FBXL17: variants seen among roughly 807,000 people sequenced by gnomAD.
FBXL17 encodes the protein F-box and leucine rich repeat protein 17.
Under a neutral mutation model 66.2 loss-of-function variants are expected in FBXL17, and 22 were observed. The ratio of observed to expected loss-of-function variants is 0.33; its 90% confidence interval spans 0.24 to 0.47. The LOEUF is 0.47. Ranked by LOEUF, FBXL17 falls within the 20% of genes least tolerant of loss-of-function variation. The probability of loss-of-function intolerance (pLI) is 1.00; values close to 1 mark genes in which losing one functional copy is unlikely to be tolerated. For synonymous variants in FBXL17, 474 were observed against 400.5 expected, an observed-to-expected ratio of 1.18 and a Z score of -2.19; for missense variants, 878 against 948.2, an observed-to-expected ratio of 0.93 and a Z score of 0.97.
chr5:108,276,736 G>A (rs1580731417), intron 4 of FBXL17, among the ~76,000 whole-genome samples: 1 of 152,110 alleles, frequency 6.6e-6, no homozygotes, highest in Non-Finnish European at 1.5e-5. Flanking sequence ...TCCTAAAGTA[G>A]TTAATGACTG....
rs560610314 is a variant in FBXL17, at chr5:108,160,397, A to G, written c.1745+25720T>C. On this transcript the variant is annotated intron_variant, in intron 6 of 8. Coordinates refer to ENST00000542267, the MANE Select transcript of FBXL17 (RefSeq NM_001163315.3). ...CAATGACTAGACTGACCTTTTCTCT[A>G]TAATTGTAACTACAGTATAGTAATT... 1.8e-4 allele frequency among the ~76,000 whole-genome samples: 27 copies of G among 152,326 alleles called. No individual in the cohort carries two copies. The South Asian group carries it at 5.4e-3, about 30-fold the overall frequency.
chr5:108,081,649 G>C (rs530946834), intron 6 of FBXL17, among the ~76,000 whole-genome samples: 1 of 152,250 alleles, frequency 6.6e-6, no homozygotes, highest in Non-Finnish European at 1.5e-5. Flanking sequence ...CGTGAACCCG[G>C]GAGGCGGAGC....
chr5:107,868,823 G>A (rs534918582), intron 8 of FBXL17, among the ~76,000 whole-genome samples: 2 of 152,322 alleles, frequency 1.3e-5, no homozygotes, highest in Non-Finnish European at 2.9e-5. Context: ...AGAGGTGTCA[G>A]CCTGTGTACC....
At chr5:108,148,794 T>G (rs1429098451) in intron 6 of FBXL17, among the ~76,000 whole-genome samples, 1 of 152,188 alleles carries the variant, frequency 6.6e-6, no homozygotes, top group Non-Finnish European at 1.5e-5. Flanking sequence ...TCCTCTACAG[T>G]AGCATATGTA....
chr5:108,080,113 G>A (rs1322830702), intron 6 of FBXL17, among the ~76,000 whole-genome samples: 1 of 152,148 alleles, frequency 6.6e-6, no homozygotes, highest in African/African-American at 2.4e-5. Context: ...CTGTGAATAT[G>A]GCTGATGGAA....
At chr5:107,867,175 C>T (rs1195099243) in intron 8 of FBXL17, among the ~76,000 whole-genome samples, 6 of 152,180 alleles carry the variant, frequency 3.9e-5, no homozygotes, top group Admixed American at 2.6e-4. Flanking sequence ...TCCTTTAATC[C>T]TCTGAAGTTC....
At chr5:108,328,266 CA>C (rs1375136128) in intron 4 of FBXL17, among the ~76,000 whole-genome samples, 1 of 151,856 alleles carries the variant, frequency 6.6e-6, no homozygotes, top group Non-Finnish European at 1.5e-5. Context: ...TCTCTGACTC[CA>C]GGTATTAAAC....
At chr5:108,144,872 A>C (rs1183210647) in intron 6 of FBXL17, among the ~76,000 whole-genome samples, 1 of 152,202 alleles carries the variant, frequency 6.6e-6, no homozygotes, top group African/African-American at 2.4e-5. Flanking sequence ...ATTGAAAATA[A>C]ACACGTTTAA....
chr5:108,350,554 C>A (rs944514717), intron 3 of FBXL17, among the ~76,000 whole-genome samples: 1 of 152,134 alleles, frequency 6.6e-6, no homozygotes, highest in Admixed American at 6.5e-5. Flanking sequence ...TGCAAATCAT[C>A]AAAAAGTTTC....
At chr5:108,288,524 G>A (rs370105240) in intron 4 of FBXL17, among the ~76,000 whole-genome samples, 4 of 119,080 alleles carry the variant, frequency 3.4e-5, no homozygotes, top group East Asian at 2.3e-4. Flanking sequence ...AGGGAAAACC[G>A]AACATAGTAC....
At chr5:107,967,181 A>G (rs538738621) in intron 7 of FBXL17, among the ~76,000 whole-genome samples, 1 of 151,842 alleles carries the variant, frequency 6.6e-6, no homozygotes, top group South Asian at 2.1e-4. Flanking sequence ...CTTTTTTTGT[A>G]CATCGTTTTA....
intron 6 of FBXL17, among the ~76,000 whole-genome samples, chr5:108,177,932 T>TATATACAC (rs1242739302): frequency 8.7e-5 from 11 of 126,714 alleles, no homozygotes; most frequent in East Asian, 4.8e-4. Context: ...TATATATATA[T>TATATACAC]ACACACACAC....
chr5:107,997,902 C>T (rs1286053835), intron 7 of FBXL17, among the ~76,000 whole-genome samples: 2 of 152,204 alleles, frequency 1.3e-5, no homozygotes, highest in African/African-American at 4.8e-5. Context: ...AAAGTCCACA[C>T]TGACAGCCAT....
At chr5:108,185,283 A>C (rs1416505583) in intron 6 of FBXL17, among the ~76,000 whole-genome samples, 1 of 152,140 alleles carries the variant, frequency 6.6e-6, no homozygotes, top group East Asian at 1.9e-4. Flanking sequence ...TGTTGGAGGA[A>C]GGGCCTGTTT....
chr5:108,229,668 A>C (rs1755243147), intron 4 of FBXL17, among the ~76,000 whole-genome samples: 1 of 152,214 alleles, frequency 6.6e-6, no homozygotes, highest in Non-Finnish European at 1.5e-5. Context: ...CAAAGACCTC[A>C]TGACCAAGAA....
intron 7 of FBXL17, among the ~76,000 whole-genome samples, chr5:107,951,053 C>G (rs1751483710): frequency 6.6e-6 from 1 of 152,176 alleles, no homozygotes; most frequent in Non-Finnish European, 1.5e-5. Flanking sequence ...ACTAGAAAGG[C>G]TGTCATCATG....
At chr5:108,227,749 A>G (rs1755159651) in intron 4 of FBXL17, among the ~76,000 whole-genome samples, 2 of 152,244 alleles carry the variant, frequency 1.3e-5, no homozygotes, top group South Asian at 4.1e-4. Context: ...AGTATGCTTA[A>G]GCATATTAAG....
At chr5:108,225,319 CCTT>C in intron 4 of FBXL17, among the ~76,000 whole-genome samples, 1 of 152,256 alleles carries the variant, frequency 6.6e-6, no homozygotes, top group Non-Finnish European at 1.5e-5. Context: ...AATTATGTCT[CCTT>C]AAGATTCATA....
intron 5 of FBXL17, among the ~76,000 whole-genome samples, chr5:108,202,485 G>A (rs1290049089): frequency 6.6e-6 from 1 of 152,096 alleles, no homozygotes; most frequent in Non-Finnish European, 1.5e-5. Flanking sequence ...ACTAATTTGG[G>A]CAGTAATAAT....
Sources: allele counts gnomAD v4.1 joint callset (sites outside exome capture counted in the v4.1 genomes callset), GRCh38; gene constraint gnomAD v4.1.1; transcripts MANE v1.5; gene names NCBI Gene and HGNC (gene_info 2026-07-23, HGNC 2026-07-21).